Variants in ZNF385D observed in about 807,000 individuals in gnomAD.
The protein encoded by ZNF385D is zinc finger protein 385D.
A neutral mutation model predicts 35.8 loss-of-function variants in ZNF385D; 15 were observed. The observed-to-expected ratio is 0.42, with a 90% CI of 0.28 to 0.64. ZNF385D has a LOEUF of 0.64. Among genes scored for constraint, ZNF385D ranks in the 30% least tolerant of loss-of-function variants. ZNF385D has a pLI of 0.23. For synonymous variants in ZNF385D, 212 were observed against 186.8 expected (o/e 1.13, Z -1.10); for missense variants, 474 against 494.6 (o/e 0.96, Z 0.39).
At chr3:21,912,842 GTTC>G (rs1245209410) in intron 3 of ZNF385D, among the ~76,000 whole-genome samples, 4 of 151,996 alleles carry the variant, frequency 2.6e-5, no homozygotes, top group Non-Finnish European at 2.9e-5. Flanking sequence ...TTCTTGAACA[GTTC>G]TTCTCTGAAC....
At chr3:22,128,121 C>G (rs1703548910) in intron 3 of ZNF385D, among the ~76,000 whole-genome samples, 1 of 152,150 alleles carries the variant, frequency 6.6e-6, no homozygotes, top group South Asian at 2.1e-4. Flanking sequence ...CTTTGTATCT[C>G]CTTAATCTTT....
In ZNF385D at chr3:22,275,472, G is replaced by A. The variant is rs116436632; in HGVS notation, c.106+96978C>T. Among the ~76,000 whole-genome samples the A allele has an allele frequency of 4.7e-3, 673 of 142,836 alleles. 7 individuals are homozygous for A. The highest frequency in any genetic ancestry group is 0.016 in the African/African-American group (640 of 39,548). 93.7% of individuals were successfully genotyped at this position (142,836 alleles called of 152,430 possible). A position where few individuals can be genotyped will look rare whatever the true frequency, so the allele number is the denominator to read the frequency against. On this transcript the variant is annotated intron_variant, in intron 2 of 5. Transcript: ENST00000494108. ...CTTATACTCTATCAAGGTAAGATTA[G>A]GGTGCTTTTAAGACACTTTACTTGT...
chr3:21,772,419 G>T (rs182138265), intron 3 of ZNF385D, among the ~76,000 whole-genome samples: 17 of 151,710 alleles, frequency 1.1e-4, no homozygotes, highest in Admixed American at 1.1e-3. Flanking sequence ...AATGGACAAA[G>T]AACTTGAATA....
At chr3:21,484,950 T>C (rs1704924973) in intron 4 of ZNF385D, among the ~76,000 whole-genome samples, 1 of 152,050 alleles carries the variant, frequency 6.6e-6, no homozygotes, top group South Asian at 2.1e-4. Context: ...AAACCAAAAA[T>C]GGGGAACTTA....
intron 3 of ZNF385D, among the ~76,000 whole-genome samples, chr3:22,098,964 C>T (rs1330271546): frequency 6.6e-6 from 1 of 151,936 alleles, no homozygotes; most frequent in African/African-American, 2.4e-5. Context: ...TTCTAATACT[C>T]TATACTAAGG....
chr3:22,363,519 G>A (rs375377128), intron 2 of ZNF385D, among the ~76,000 whole-genome samples: 6 of 152,246 alleles, frequency 3.9e-5, no homozygotes, highest in Non-Finnish European at 7.4e-5. Flanking sequence ...TAACAAGGAT[G>A]TTGTTCACAG....
chr3:22,203,832 C>T (rs1186756643), intron 2 of ZNF385D, among the ~76,000 whole-genome samples: 1 of 152,126 alleles, frequency 6.6e-6, no homozygotes, highest in Non-Finnish European at 1.5e-5. Context: ...AATAGAGCAT[C>T]AGGTAGATTT....
chr3:22,213,698 A>G (rs1309805406), intron 2 of ZNF385D, among the ~76,000 whole-genome samples: 1 of 152,008 alleles, frequency 6.6e-6, no homozygotes, highest in African/African-American at 2.4e-5. Context: ...TATAACTCCA[A>G]AAGTTTGAGG....
intron 2 of ZNF385D, among the ~76,000 whole-genome samples, chr3:21,595,927 G>C (rs1014301734): frequency 2.0e-5 from 3 of 152,144 alleles, no homozygotes; most frequent in Non-Finnish European, 2.9e-5. Flanking sequence ...TCATTTCTAT[G>C]TGGTTTTCTA....
intron 3 of ZNF385D, among the ~76,000 whole-genome samples, chr3:21,912,334 A>C (rs1470061124): frequency 6.6e-6 from 1 of 152,042 alleles, no homozygotes; most frequent in African/African-American, 2.4e-5. Context: ...CTTCATCAAT[A>C]AATTTTTCTA....
intron 3 of ZNF385D, among the ~76,000 whole-genome samples, chr3:21,791,706 C>T (rs548844942): frequency 6.6e-6 from 1 of 152,258 alleles, no homozygotes; most frequent in East Asian, 1.9e-4. Context: ...TAGTTACTCA[C>T]AGTCTACATA....
At chr3:22,252,160 T>A (rs530582998) in intron 2 of ZNF385D, among the ~76,000 whole-genome samples, 3 of 152,210 alleles carry the variant, frequency 2.0e-5, no homozygotes, top group East Asian at 1.9e-4. Context: ...TGTGATAATA[T>A]TATTTGCCTC....
chr3:22,330,730 A>G (rs1248644911), intron 2 of ZNF385D, among the ~76,000 whole-genome samples: 2 of 152,180 alleles, frequency 1.3e-5, no homozygotes, highest in South Asian at 2.1e-4. Context: ...AAGGCCAGGG[A>G]CATTTTAGAG....
At chr3:22,086,004 A>G (rs2620545) in intron 3 of ZNF385D, among the ~76,000 whole-genome samples, 31 of 152,104 alleles carry the variant, frequency 2.0e-4, no homozygotes, top group African/African-American at 3.9e-4. Context: ...ATTCAACAAC[A>G]CTTCATGCTA....
intron 4 of ZNF385D, among the ~76,000 whole-genome samples, chr3:21,487,407 A>T (rs1222626014): frequency 6.6e-6 from 1 of 152,062 alleles, no homozygotes; most frequent in Admixed American, 6.6e-5. Flanking sequence ...CATGTAGGGG[A>T]ATAATAGATA....
At chr3:22,006,324 T>C (rs961492097) in intron 3 of ZNF385D, among the ~76,000 whole-genome samples, 1 of 152,106 alleles carries the variant, frequency 6.6e-6, no homozygotes, top group African/African-American at 2.4e-5. Context: ...ATTTCCTAGT[T>C]GTACAAAAAT....
rs555565659 is a variant in ZNF385D at position 22,110,812 on chromosome 3, A to C, written c.325+58005T>G. ...ATAAAAAAAAAAAGAAAAAAATGTC[A>C]AGGAAACTATAAGTACAGTGTGATG... On this transcript the variant is annotated intron_variant, in intron 3 of 5. Transcript: ENST00000494108. Among the ~76,000 whole-genome samples, 6 of 152,094 alleles carry C rather than the reference A, an allele frequency of 3.9e-5. No individual in the cohort carries two copies. In the South Asian group the frequency reaches 1.2e-3, roughly 32 times the overall value.
intron 2 of ZNF385D, among the ~76,000 whole-genome samples, chr3:22,364,529 T>G (rs562008741): frequency 2.0e-5 from 3 of 152,088 alleles, no homozygotes; most frequent in Non-Finnish European, 2.9e-5. Context: ...TAGGAAAATA[T>G]AAATCAAAAC....
rs560342461 is a variant in ZNF385D, at chr3:22,048,746, G to C, written c.325+120071C>G. On this transcript the variant is annotated intron_variant, in intron 3 of 5. Coordinates refer to the ZNF385D transcript ENST00000494108. ...TATTCTGGGTCTTTTGTGATTCCAA[G>C]TGAATTTTAGGATTGTTTTTTCCAT... Among the ~76,000 whole-genome samples, 12 of 152,230 alleles carry C rather than the reference G, an allele frequency of 7.9e-5. 1 individual carries two copies. The highest frequency in any genetic ancestry group is 6.5e-4 in the Admixed American group (10 of 15,270).
Sources: allele counts gnomAD v4.1 joint callset (sites outside exome capture counted in the v4.1 genomes callset), GRCh38; gene constraint gnomAD v4.1.1; transcripts MANE v1.5; gene names NCBI Gene and HGNC (gene_info 2026-07-23, HGNC 2026-07-21).